The following PUDP variants were observed in gnomAD, a reference collection of about 807,000 sequenced individuals.
The protein encoded by PUDP is pseudouridine-5'-phosphatase.
Under a neutral mutation model 9.4 loss-of-function variants are expected in PUDP, and 8 were observed. The ratio of observed to expected loss-of-function variants is 0.85; its 90% CI spans 0.50 to 1.53. The LOEUF is 1.53. PUDP is among the 40% of genes most tolerant of loss of function. PUDP has a pLI of 0.00. For missense variants in PUDP, 188 were observed against 189.7 expected, an observed-to-expected ratio of 0.99 and a Z score of 0.05; for synonymous variants, 99 against 80.7, an observed-to-expected ratio of 1.23 and a Z score of -1.22.
intron 1 of PUDP, among the ~76,000 whole-genome samples, chrX:6,991,926 G>T (rs1929184987): frequency 9.0e-6 from 1 of 111,225 alleles, no homozygotes; most frequent in Admixed American, 9.5e-5. Flanking sequence ...TTCTGAGAGG[G>T]GAGGAATTTG....
intron 3 of PUDP, among the ~76,000 whole-genome samples, chrX:6,823,942 C>T (rs5989581): frequency 0.26 from 28,521 of 111,579 alleles, 2,823 homozygotes; most frequent in African/African-American, 0.35. Context: ...TGAGGAGGAC[C>T]GGAGGTCACT....
intron 3 of PUDP, among the ~76,000 whole-genome samples, chrX:6,751,892 A>G (rs1925094188): frequency 9.0e-6 from 1 of 110,977 alleles, no homozygotes; most frequent in Non-Finnish European, 1.9e-5. Context: ...ATTATGAGGC[A>G]GCATCACCTG....
At chrX:6,926,600 TACAA>T (rs201806805) in intron 3 of PUDP, among the ~76,000 whole-genome samples, 2,516 of 112,429 alleles carry the variant, frequency 0.022, 70 homozygotes, top group African/African-American at 0.076. Flanking sequence ...TTCTTTAGTC[TACAA>T]ACAGTTATTG....
intron 1 of PUDP, among the ~76,000 whole-genome samples, chrX:7,130,265 T>C (rs889211407): frequency 1.8e-5 from 2 of 109,288 alleles, no homozygotes; most frequent in Non-Finnish European, 3.8e-5. Flanking sequence ...TCACACAGGG[T>C]TGGGGGGATT....
intron 1 of PUDP, among the ~76,000 whole-genome samples, chrX:6,998,810 C>T (rs929618285): frequency 9.0e-6 from 1 of 111,668 alleles, no homozygotes; most frequent in Non-Finnish European, 1.9e-5. Flanking sequence ...ACAGATCACC[C>T]ACAGAGCTGT....
intron 3 of PUDP, among the ~76,000 whole-genome samples, chrX:6,973,210 A>G (rs1928904706): frequency 9.0e-6 from 1 of 110,984 alleles, no homozygotes; most frequent in African/African-American, 3.3e-5. Flanking sequence ...TATCTCCTTC[A>G]GTTCTGCTTT....
At chrX:7,139,796 CAG>C (rs1481090717) in intron 1 of PUDP, among the ~76,000 whole-genome samples, 2 of 111,943 alleles carry the variant, frequency 1.8e-5, no homozygotes, top group Non-Finnish European at 1.9e-5. Context: ...TCCCAGAGCT[CAG>C]AGAGAGAAGA....
chrX:7,024,224 G>A (rs758270435), intron 1 of PUDP, among the ~76,000 whole-genome samples: 24 of 111,647 alleles, frequency 2.1e-4, no homozygotes, highest in Admixed American at 1.8e-3. Context: ...CTTGTAAAAC[G>A]TTGAATAGAA....
intron 2 of PUDP, chrX:7,085,601 G>A (rs1467055538): frequency 1.8e-5 from 2 of 112,187 alleles, no homozygotes; most frequent in African/African-American, 6.5e-5. Flanking sequence ...TTACAAAGGG[G>A]TCCACGAAAT....
chrX:6,810,995 C>A (rs1409608760), intron 3 of PUDP, among the ~76,000 whole-genome samples: 1 of 111,309 alleles, frequency 9.0e-6, no homozygotes, highest in Non-Finnish European at 1.9e-5. Flanking sequence ...GGAGGTGGAC[C>A]AAGCCAAACA....
At chrX:6,811,255 G>A (rs993953933) in intron 3 of PUDP, among the ~76,000 whole-genome samples, 1 of 110,893 alleles carries the variant, frequency 9.0e-6, no homozygotes, top group Non-Finnish European at 1.9e-5. Context: ...AACAGAGATG[G>A]AGCATTAAGC....
chrX:6,905,882 G>A (rs1053028189), intron 3 of PUDP, among the ~76,000 whole-genome samples: 3 of 111,432 alleles, frequency 2.7e-5, no homozygotes, highest in South Asian at 3.8e-4. Flanking sequence ...ATGCACTTAC[G>A]CCCTAAGCCA....
At chrX:6,807,539 A>G (rs1284878785) in intron 3 of PUDP, among the ~76,000 whole-genome samples, 1 of 112,290 alleles carries the variant, frequency 8.9e-6, no homozygotes, top group Admixed American at 9.4e-5. Flanking sequence ...CAGGTGTCGC[A>G]ATGGAAGCAG....
chrX:6,915,025 A>G (rs931510850), intron 3 of PUDP, among the ~76,000 whole-genome samples: 7 of 112,427 alleles, frequency 6.2e-5, no homozygotes, highest in African/African-American at 2.3e-4. Flanking sequence ...AGCTCCCAGT[A>G]TCACATTTTT....
intron 3 of PUDP, among the ~76,000 whole-genome samples, chrX:6,828,686 T>G (rs1476536658): frequency 9.0e-6 from 1 of 111,356 alleles, no homozygotes. Flanking sequence ...GCCCTAAACA[T>G]CCTCTGTTCT....
rs757570242 is a variant in PUDP, at chrX:7,093,492, G to T, written c.280+12128C>A. ...GCTGTGAGCGGGTGCTGGGACTCGG[G>T]GCAAGCTGGCAGCGCTCTACACCTG... On this transcript the variant is annotated intron_variant, in intron 2 of 3. Transcript: ENST00000381077. Among the ~76,000 whole-genome samples, 3 of 110,208 alleles carry T rather than the reference G, an allele frequency of 2.7e-5. No homozygotes were observed. The South Asian group carries it at 1.2e-3, about 43-fold the overall frequency.
chrX:6,740,099 G>C (rs779736399), intron 3 of PUDP, among the ~76,000 whole-genome samples: 1 of 111,648 alleles, frequency 9.0e-6, no homozygotes, highest in Non-Finnish European at 1.9e-5. Context: ...GCCCAATACT[G>C]TCACAATTTC....
At chrX:6,745,278 G>A (rs185019062) in intron 3 of PUDP, among the ~76,000 whole-genome samples, 110 of 112,069 alleles carry the variant, frequency 9.8e-4, no homozygotes, top group African/African-American at 3.2e-3. Context: ...AGACTTCCAC[G>A]AATAAACAAA....
chrX:7,145,196 AAAT>A (rs1420547747), intron 1 of PUDP, among the ~76,000 whole-genome samples: 1 of 112,469 alleles, frequency 8.9e-6, no homozygotes, highest in Non-Finnish European at 1.9e-5. Context: ...ACTTTGTATT[AAAT>A]AATATTTTTG....
Sources: gnomAD v4.1 joint callset for allele counts (sites outside exome capture counted in the v4.1 genomes callset) on GRCh38, gnomAD v4.1.1 for gene constraint, MANE v1.5 for transcripts, NCBI Gene and HGNC (gene_info 2026-07-23, HGNC 2026-07-21) for gene names.